Variants in UBE2E1 observed in about 807,000 individuals in gnomAD.
UBE2E1 encodes the protein ubiquitin conjugating enzyme E2 E1, also known as ubiquitin-conjugating enzyme E2 E1.
UBE2E1 carries 6 observed loss-of-function variants against 21.4 expected under a neutral mutation model. The observed-to-expected ratio is 0.28, with a 90% CI of 0.15 to 0.55. The LOEUF (loss-of-function observed/expected upper bound fraction) is 0.55, where lower values mean the gene tolerates loss of function less well. Among genes scored for constraint, UBE2E1 ranks in the 20% least tolerant of loss-of-function variants. The pLI is 0.93. For synonymous variants in UBE2E1, 87 were observed against 82.7 expected, an observed-to-expected ratio of 1.05 and a Z score of -0.28; for missense variants, 142 against 236.5, an observed-to-expected ratio of 0.60 and a Z score of 2.62.
chr3:23,884,169 C>T (rs181784682), intron 3 of UBE2E1, among the ~76,000 whole-genome samples: 5 of 152,018 alleles, frequency 3.3e-5, no homozygotes, highest in Admixed American at 1.3e-4. Flanking sequence ...TACTTGATTT[C>T]TTTTCTGTTT....
Position 23,870,832 on chromosome 3 carries a change from C to T in UBE2E1, c.204-16735C>T, listed in dbSNP as rs1296427878. Among the ~76,000 whole-genome samples the T allele has an allele frequency of 1.3e-5, 2 of 151,952 alleles. No individual in the cohort carries two copies. Among genetic ancestry groups the T allele is most frequent in the African/African-American group, 2.4e-5 (1 of 41,384 alleles). ...AGGCAGAGGACCCTGCGGCCTTCCG[C>T]AGTGTTTGTGTCCCTGGGTACTTGA... On this transcript the variant is annotated intron_variant, in intron 3 of 5. Transcript: ENST00000306627. The surrounding 1 kb of genome is among the most constrained non-coding windows in gnomAD (Gnocchi z 4.2).
At chr3:23,807,461 C>T (rs1217828248) in intron 2 of UBE2E1, 40 bp downstream of exon 2, 4 of 1,593,958 alleles carry the variant, frequency 2.5e-6, no homozygotes, top group Non-Finnish European at 2.6e-6. Context: ...TTCCTATTTC[C>T]GAACTGCCTC....
At chr3:23,857,967 T>A (rs1700476133) in intron 3 of UBE2E1, among the ~76,000 whole-genome samples, 1 of 151,936 alleles carries the variant, frequency 6.6e-6, no homozygotes, top group Non-Finnish European at 1.5e-5. Flanking sequence ...TCACCCAGGT[T>A]CATGCCACCG....
intron 3 of UBE2E1, among the ~76,000 whole-genome samples, chr3:23,826,316 G>A (rs1399768670): frequency 6.6e-6 from 1 of 152,210 alleles, no homozygotes; most frequent in Non-Finnish European, 1.5e-5. Context: ...TGGATGAAGT[G>A]TGAATGTTTG....
chr3:23,844,347 ATTCT>A (rs1700152554), intron 3 of UBE2E1, among the ~76,000 whole-genome samples: 1 of 152,124 alleles, frequency 6.6e-6, no homozygotes. Context: ...ATGATGCCTA[ATTCT>A]TTCTTACATT....
intron 3 of UBE2E1, among the ~76,000 whole-genome samples, chr3:23,874,618 A>G (rs372740840): frequency 6.6e-6 from 1 of 152,164 alleles, no homozygotes; most frequent in Non-Finnish European, 1.5e-5. Context: ...CCACACACAC[A>G]CAGCATTGGA....
chr3:23,807,379 G>T lies in UBE2E1; in HGVS notation c.110G>T (p.Ser37Ile), dbSNP rs1699301626. Residue 37 changes from serine (S) to isoleucine (I), a missense_variant, in exon 2 of 6, where the codon AGC becomes ATC. Transcript: ENST00000306627. Reference protein sequence around the residue: ...NTPKKKESKVSMSKNSKLLST... With the variant: ...NTPKKKESKVIMSKNSKLLST... ...CCCAAGAAGAAGGAGAGTAAAGTCA[G>T]CATGAGCAAAAACTCCAAACTCCTC... The T allele has an allele frequency of 6.2e-7, 1 of 1,613,594 alleles. No homozygotes were observed.
In UBE2E1 at chr3:23,891,366, T is replaced by G. The variant is rs989207856; in HGVS notation, c.*760T>G. The G allele has an allele frequency of 1.3e-5, 2 of 152,196 alleles. No homozygotes were observed. Among genetic ancestry groups the G allele is most frequent in the Admixed American group, 1.3e-4 (2 of 15,282 alleles). 9.4% of individuals were successfully genotyped at this position (152,196 alleles called of 1,614,324 possible). A position where few individuals can be genotyped will look rare whatever the true frequency, so the allele number is the denominator to read the frequency against. ...TTGCCTTTTGGTTGCCATTCGCAGA[T>G]TCTTCTGAAATCGATAGGTATCTGC... On this transcript the variant is annotated 3_prime_UTR_variant, in exon 6 of 6. Coordinates refer to ENST00000306627, the MANE Select transcript of UBE2E1 (RefSeq NM_003341.5).
At chr3:23,874,943 G>A (rs748866611) in intron 3 of UBE2E1, among the ~76,000 whole-genome samples, 8 of 152,100 alleles carry the variant, frequency 5.3e-5, no homozygotes, top group African/African-American at 1.4e-4. Context: ...GGGAAAGTGC[G>A]GTTCCTTAGC....
chr3:23,846,261 T>C (rs1489903751), intron 3 of UBE2E1, among the ~76,000 whole-genome samples: 1 of 152,222 alleles, frequency 6.6e-6, no homozygotes, highest in Non-Finnish European at 1.5e-5. Context: ...CTTTTAAGCC[T>C]ATTCAAGAGT....
At chr3:23,807,916 T>A (rs1253903501) in intron 2 of UBE2E1, 22 of 152,344 alleles carry the variant, frequency 1.4e-4, no homozygotes, top group Admixed American at 1.4e-3. Flanking sequence ...GTACAAAATT[T>A]AGTAGGTGAA....
At chr3:23,883,880 C>T (rs1701112095) in intron 3 of UBE2E1, among the ~76,000 whole-genome samples, 1 of 147,838 alleles carries the variant, frequency 6.8e-6, no homozygotes, top group African/African-American at 2.5e-5. Flanking sequence ...CATGCCACTG[C>T]ACTCCAACCT....
chr3:23,851,182 G>T (rs6775878), intron 3 of UBE2E1, among the ~76,000 whole-genome samples: 25,898 of 151,966 alleles, frequency 0.17, 2,975 homozygotes, highest in African/African-American at 0.32. Flanking sequence ...TGGCACTCTT[G>T]TCAAAAATCA....
At chr3:23,844,796 G>A (rs1039087066) in intron 3 of UBE2E1, among the ~76,000 whole-genome samples, 1 of 152,134 alleles carries the variant, frequency 6.6e-6, no homozygotes, top group Non-Finnish European at 1.5e-5. Context: ...CGTGGGAGAT[G>A]GGTTGTTGCT....
chr3:23,840,544 C>T (rs952927824), intron 3 of UBE2E1, among the ~76,000 whole-genome samples: 3 of 152,098 alleles, frequency 2.0e-5, no homozygotes, highest in African/African-American at 7.2e-5. Context: ...TAATTTTTAC[C>T]ATTCACTGAG....
rs1699262699 is a variant in UBE2E1, at chr3:23,806,216, G to GT, written c.-34+128_-34+129insT. 1 of 148,696 alleles carries GT rather than the reference G, an allele frequency of 6.7e-6. No homozygotes were observed. Among genetic ancestry groups the GT allele is most frequent in the African/African-American group, 2.4e-5 (1 of 40,998 alleles). 9.2% of individuals were successfully genotyped at this position (148,696 alleles called of 1,614,324 possible). ...GCCGCAGGGCACGGGGCCGGCGCGG[G>GT]GGGGGAGCGGAGAGGGGCTGGGGAG... On this transcript the variant is annotated intron_variant, in intron 1 of 5. Coordinates refer to ENST00000306627, the MANE Select transcript of UBE2E1 (RefSeq NM_003341.5). This position sits in a 1 kb window ranked among gnomAD's most constrained non-coding sequence, Gnocchi z 6.5.
chr3:23,866,964 A>G (rs1700669903), intron 3 of UBE2E1, among the ~76,000 whole-genome samples: 1 of 152,190 alleles, frequency 6.6e-6, no homozygotes, highest in Non-Finnish European at 1.5e-5. Flanking sequence ...TGTAGTAAAA[A>G]TATATCACCT....
rs1395842284 is a variant in UBE2E1 at position 23,836,755 on chromosome 3, C to T, written c.203+25245C>T. 1.3e-5 allele frequency among the ~76,000 whole-genome samples: 2 copies of T among 152,128 alleles called. No homozygotes were observed. The highest frequency in any genetic ancestry group is 3.8e-4 in the East Asian group (2 of 5,200). ...TTCTTAACCATTGTACACTCTCTAC[C>T]GTGTCCCTCAGGGGCATGTGAAAGT... is the stretch of plus-strand genomic sequence containing the variant. On this transcript the variant is annotated intron_variant, in intron 3 of 5. Transcript: ENST00000306627. The surrounding 1 kb of genome is among the most constrained non-coding windows in gnomAD (Gnocchi z 4.1).
chr3:23,838,337 G>A (rs1362953508), intron 3 of UBE2E1, among the ~76,000 whole-genome samples: 2 of 152,174 alleles, frequency 1.3e-5, no homozygotes, highest in South Asian at 2.1e-4. Context: ...AAAGTGCTGG[G>A]ATTACAGGCA....
Sources: gnomAD v4.1 joint callset for allele counts (sites outside exome capture counted in the v4.1 genomes callset) on GRCh38, gnomAD v4.1.1 for gene constraint, Gnocchi (gnomAD v3.1) non-coding constraint, MANE v1.5 for transcripts, NCBI Gene and HGNC (gene_info 2026-07-23, HGNC 2026-07-21) for gene names.